Variants in HPSE2 observed in about 807,000 individuals in gnomAD.
HPSE2 encodes inactive heparanase-2.
Under a neutral mutation model 60.5 loss-of-function variants are expected in HPSE2, and 38 were observed. The observed-to-expected ratio is 0.63, with a 90% confidence interval of 0.48 to 0.82. The LOEUF (loss-of-function observed/expected upper bound fraction) is 0.82, where lower values mean the gene tolerates loss of function less well. HPSE2 is among the 40% of genes least tolerant of loss of function. The pLI is 0.00. For synonymous variants in HPSE2, 295 were observed against 293.2 expected (o/e 1.01, Z -0.06); for missense variants, 713 against 740.4 (o/e 0.96, Z 0.43).
chr10:98,773,105 C>T (rs1044620305), intron 3 of HPSE2, among the ~76,000 whole-genome samples: 2 of 152,148 alleles, frequency 1.3e-5, no homozygotes, highest in African/African-American at 4.8e-5. Flanking sequence ...GGCATAGGAG[C>T]CTCCAACCAG....
At chr10:98,684,187 C>T (rs1222260437) in intron 6 of HPSE2, among the ~76,000 whole-genome samples, 2 of 151,904 alleles carry the variant, frequency 1.3e-5, no homozygotes, top group Non-Finnish European at 2.9e-5. Flanking sequence ...AAAAAGAATC[C>T]CCAGGATAAT....
At chr10:98,574,691 CGAG>C (rs199712899) in intron 9 of HPSE2, among the ~76,000 whole-genome samples, 6 of 39,074 alleles carry the variant, frequency 1.5e-4, no homozygotes, top group South Asian at 1.9e-3. Flanking sequence ...GCATTGGCAT[CGAG>C]AAGAAGGTCT....
At chr10:99,120,891 C>T (rs1232557616) in intron 3 of HPSE2, among the ~76,000 whole-genome samples, 1 of 152,180 alleles carries the variant, frequency 6.6e-6, no homozygotes, top group African/African-American at 2.4e-5. Flanking sequence ...TTGAGGAAAA[C>T]AGTGTGGTAA....
intron 3 of HPSE2, among the ~76,000 whole-genome samples, chr10:98,843,185 CT>C (rs1203028206): frequency 6.6e-6 from 1 of 151,930 alleles, no homozygotes; most frequent in African/African-American, 2.4e-5. Context: ...ACTCTTCCTC[CT>C]CCTCCTCCCA....
chr10:98,889,705 C>T (rs1953278917), intron 3 of HPSE2, among the ~76,000 whole-genome samples: 1 of 152,154 alleles, frequency 6.6e-6, no homozygotes. Flanking sequence ...TACTTCACTC[C>T]TCTGAACTTG....
the HPSE2 span, among the ~76,000 whole-genome samples, chr10:99,287,308 G>A: frequency 6.6e-6 from 1 of 152,076 alleles, no homozygotes; most frequent in Non-Finnish European, 1.5e-5. Flanking sequence ...TATGACAATT[G>A]TGAAAGAAGA....
At position 98,502,135 on chromosome 10, in the gene HPSE2, T is replaced by C. The variant is rs548569674; in HGVS notation, c.1321-11939A>G. ...TGACCATACTTCCAAAAGCAATCTA[T>C]AAATTCAATGCAATCCCCATCAAAA... On this transcript the variant is annotated intron_variant, in intron 9 of 11. Transcript: ENST00000370552. Among the ~76,000 whole-genome samples, 182 of 152,196 alleles carry C rather than the reference T, an allele frequency of 1.2e-3. 1 individual carries two copies. Among genetic ancestry groups the C allele is most frequent in the African/African-American group, 4.1e-3 (171 of 41,528 alleles).
intron 3 of HPSE2, among the ~76,000 whole-genome samples, chr10:99,131,215 C>T (rs1237896747): frequency 2.0e-5 from 3 of 152,158 alleles, no homozygotes; most frequent in Non-Finnish European, 4.4e-5. Context: ...CCATCTATGA[C>T]AAACTCACAG....
At chr10:98,927,588 T>C (rs1053522171) in intron 3 of HPSE2, among the ~76,000 whole-genome samples, 3 of 134,820 alleles carry the variant, frequency 2.2e-5, no homozygotes, top group East Asian at 4.2e-4. Context: ...CTTCAAACTA[T>C]ACTACAAGGC....
the HPSE2 span, among the ~76,000 whole-genome samples, chr10:99,286,571 A>T: frequency 6.6e-6 from 1 of 152,162 alleles, no homozygotes; most frequent in Admixed American, 6.5e-5. Flanking sequence ...ATAGGTAAAG[A>T]CTTTCAGTAT....
chr10:98,608,525 G>C (rs1363968776), intron 9 of HPSE2, among the ~76,000 whole-genome samples: 1 of 152,158 alleles, frequency 6.6e-6, no homozygotes, highest in Non-Finnish European at 1.5e-5. Context: ...CAGAGCACAG[G>C]CTCTGATTTG....
At chr10:98,902,908 A>G (rs528541678) in intron 3 of HPSE2, among the ~76,000 whole-genome samples, 1 of 152,090 alleles carries the variant, frequency 6.6e-6, no homozygotes, top group Non-Finnish European at 1.5e-5. Flanking sequence ...TGAGATGACA[A>G]TTCTACTCCT....
At chr10:99,157,863 G>A in intron 2 of HPSE2, among the ~76,000 whole-genome samples, 1 of 114,186 alleles carries the variant, frequency 8.8e-6, no homozygotes, top group Non-Finnish European at 1.9e-5. Flanking sequence ...TCTGACAAAG[G>A]GCTAATATCC....
At chr10:98,863,148 G>A (rs1235495309) in intron 3 of HPSE2, among the ~76,000 whole-genome samples, 1 of 152,024 alleles carries the variant, frequency 6.6e-6, no homozygotes, top group Non-Finnish European at 1.5e-5. Flanking sequence ...GAAGAAAAGG[G>A]GTAAATTTTT....
In HPSE2 at chr10:99,126,869, C is replaced by A. The variant is rs1459629105; in HGVS notation, c.610+17369G>T. ...ACCAGCTTGGAGCCTGGGAGCCCCA[C>A]TTGATAGCGAGACCCAGAAGGGCAA... is the stretch of plus-strand genomic sequence containing the variant. On this transcript the variant is annotated intron_variant, in intron 3 of 11. Transcript: ENST00000370552. The surrounding 1 kb of genome is among the most constrained non-coding windows in gnomAD (Gnocchi z 4.0). Among the ~76,000 whole-genome samples the A allele has an allele frequency of 6.6e-6, 1 of 152,084 alleles. No homozygotes were observed. The highest frequency in any genetic ancestry group is 2.4e-5 in the African/African-American group (1 of 41,412).
chr10:98,616,598 T>C (rs994790285), intron 8 of HPSE2, among the ~76,000 whole-genome samples: 1 of 152,224 alleles, frequency 6.6e-6, no homozygotes, highest in Non-Finnish European at 1.5e-5. Context: ...AAATGTTTTT[T>C]ACATTTACAA....
In HPSE2 at chr10:98,592,918, A is replaced by G. The variant is rs147605727; in HGVS notation, c.1320+21986T>C. On this transcript the variant is annotated intron_variant, in intron 9 of 11. Transcript: ENST00000370552. ...ACTGCCTGAATGGAGGGTATCTTACAGTATAGAGAGTGATTAAATAATTTA... is the reference window on the plus strand; with the variant it reads ...ACTGCCTGAATGGAGGGTATCTTACGGTATAGAGAGTGATTAAATAATTTA... Among the ~76,000 whole-genome samples the G allele has an allele frequency of 1.5e-3, 233 of 152,328 alleles. 2 individuals carry two copies. Among genetic ancestry groups the G allele is most frequent in the African/African-American group, 5.4e-3 (223 of 41,578 alleles).
intron 5 of HPSE2, among the ~76,000 whole-genome samples, chr10:98,705,343 C>G (rs571931166): frequency 4.6e-5 from 7 of 152,120 alleles, no homozygotes; most frequent in Non-Finnish European, 1.0e-4. Flanking sequence ...TGGAAGATGG[C>G]GTGGCAATTC....
Position 98,936,927 on chromosome 10 carries a change from T to C in HPSE2, c.611-192871A>G, listed in dbSNP as rs879068504. ...CCGGGAGGCGGAGGTTGCAGTGAGCTGAGACAGCACTACTACACTCCAAAC... is the reference window on the plus strand; with the variant it reads ...CCGGGAGGCGGAGGTTGCAGTGAGCCGAGACAGCACTACTACACTCCAAAC... On this transcript the variant is annotated intron_variant, in intron 3 of 11. Coordinates refer to ENST00000370552, the MANE Select transcript of HPSE2 (RefSeq NM_021828.5). 1.8e-5 allele frequency among the ~76,000 whole-genome samples: 2 copies of C among 110,660 alleles called. 1 individual carries two copies. The highest frequency in any genetic ancestry group is 8.8e-5 in the African/African-American group (2 of 22,794). The allele number at this position is 110,660 out of a possible 152,430, so 72.6% of individuals were successfully genotyped here. A position where few individuals can be genotyped will look rare whatever the true frequency, so the allele number is the denominator to read the frequency against.
Sources: gnomAD v4.1 joint callset for allele counts (sites outside exome capture counted in the v4.1 genomes callset) on GRCh38, gnomAD v4.1.1 for gene constraint, Gnocchi (gnomAD v3.1) non-coding constraint, MANE v1.5 for transcripts, NCBI Gene and HGNC (gene_info 2026-07-23, HGNC 2026-07-21) for gene names.